The following DPP6 variants were observed in gnomAD, a reference collection of about 807,000 sequenced individuals.
DPP6 encodes the protein A-type potassium channel modulatory protein DPP6.
In DPP6, 69 loss-of-function variants were observed where a neutral mutation model predicts 122.6. That is an observed-to-expected ratio of 0.56 (90% CI 0.46 to 0.69). The LOEUF is 0.69. DPP6 is among the 30% of genes least tolerant of loss of function. The pLI is 0.00. For missense variants in DPP6, 928 were observed against 1,116.9 expected (o/e 0.83, Z 2.41); for synonymous variants, 418 against 433.1 (o/e 0.97, Z 0.43).
At chr7:153,902,947 A>G (rs748312686) in intron 1 of DPP6, among the ~76,000 whole-genome samples, 15 of 152,202 alleles carry the variant, frequency 9.9e-5, no homozygotes, top group Non-Finnish European at 1.6e-4. Context: ...TCTTATTTCT[A>G]GCTTGTATTA....
chr7:154,522,057 G>T (rs1208861767), intron 3 of DPP6, among the ~76,000 whole-genome samples: 1 of 151,954 alleles, frequency 6.6e-6, no homozygotes, highest in Non-Finnish European at 1.5e-5. Context: ...TCCACCTCCC[G>T]GGTTCACGCC....
intron 1 of DPP6, among the ~76,000 whole-genome samples, chr7:153,955,862 T>C (rs1331674218): frequency 6.6e-6 from 1 of 152,180 alleles, no homozygotes; most frequent in African/African-American, 2.4e-5. Flanking sequence ...GAGTCTACAC[T>C]CTTAACCCAT....
chr7:154,157,948 CATATATATGTACAT>C (rs1440341029), intron 1 of DPP6, among the ~76,000 whole-genome samples: 1 of 148,480 alleles, frequency 6.7e-6, no homozygotes, highest in Non-Finnish European at 1.5e-5. Flanking sequence ...AAAATATATA[CATATATATGTACAT>C]ATATATATGT....
intron 1 of DPP6, among the ~76,000 whole-genome samples, chr7:154,308,261 A>AT (rs1360842271): frequency 6.6e-6 from 1 of 151,916 alleles, no homozygotes; most frequent in Non-Finnish European, 1.5e-5. Flanking sequence ...ATTAGAAAAA[A>AT]AAAAGATTTT....
At chr7:154,361,108 A>G (rs532769667) in intron 1 of DPP6, among the ~76,000 whole-genome samples, 1 of 152,296 alleles carries the variant, frequency 6.6e-6, no homozygotes, top group Non-Finnish European at 1.5e-5. Context: ...CCAGTGGGCT[A>G]TGAGAAGATT....
chr7:154,499,000 A>C (rs1434719951), intron 3 of DPP6, among the ~76,000 whole-genome samples: 1 of 152,232 alleles, frequency 6.6e-6, no homozygotes, highest in East Asian at 1.9e-4. Flanking sequence ...GTTGGCAGTC[A>C]CAGCTCTACA....
At chr7:154,860,784 A>G (rs1022003349) in intron 17 of DPP6, among the ~76,000 whole-genome samples, 4 of 152,192 alleles carry the variant, frequency 2.6e-5, no homozygotes, top group African/African-American at 4.8e-5. Flanking sequence ...CTGCAGGCCA[A>G]CTGGGCAAAG....
At chr7:154,792,156 C>T (rs950376933) in intron 10 of DPP6, among the ~76,000 whole-genome samples, 1 of 152,214 alleles carries the variant, frequency 6.6e-6, no homozygotes, top group South Asian at 2.1e-4. Flanking sequence ...TGCATGCAGA[C>T]GAAATGTGTT....
the DPP6 span, among the ~76,000 whole-genome samples, chr7:153,770,379 A>G: frequency 6.6e-6 from 1 of 152,212 alleles, no homozygotes; most frequent in Admixed American, 6.5e-5. Context: ...CCGAGGACAA[A>G]GAAGAACAAA....
chr7:153,973,052 A>G (rs954149935), intron 1 of DPP6, among the ~76,000 whole-genome samples: 4 of 151,942 alleles, frequency 2.6e-5, no homozygotes, highest in African/African-American at 4.8e-5. Context: ...TTTGGTTTGA[A>G]TTAGTTCATA....
chr7:154,239,025 T>C (rs1801398348), intron 1 of DPP6, among the ~76,000 whole-genome samples: 1 of 152,224 alleles, frequency 6.6e-6, no homozygotes, highest in Non-Finnish European at 1.5e-5. Context: ...CTGTTTGTGC[T>C]TCTGGGTGGC....
chr7:154,888,390 G>A lies in DPP6; in HGVS notation c.2304+656G>A, dbSNP rs532109626. On this transcript the variant is annotated intron_variant, in intron 23 of 25. Transcript: ENST00000377770. ...AGGTATGAGCCACCACCCCTGGTCC[G>A]AGAGTGAGCTCTTGACTGAGGAGCA... Among the ~76,000 whole-genome samples the A allele has an allele frequency of 3.9e-5, 6 of 152,274 alleles. No homozygotes were observed. In the East Asian group the frequency reaches 5.8e-4, roughly 15 times the overall value.
At chr7:153,791,420 C>CTTTTTTTTTT in the DPP6 span, among the ~76,000 whole-genome samples, 5 of 24,232 alleles carry the variant, frequency 2.1e-4, no homozygotes, top group African/African-American at 4.9e-4. Flanking sequence ...TCCTTCCTTC[C>CTTTTTTTTTT]TTTCTTTTTT....
intron 2 of DPP6, among the ~76,000 whole-genome samples, chr7:154,455,827 A>G (rs1035924915): frequency 1.8e-4 from 28 of 152,302 alleles, no homozygotes; most frequent in Non-Finnish European, 5.9e-5. Flanking sequence ...GTGTTGCTGC[A>G]TTTTGCATCC....
At chr7:153,999,190 C>T (rs1246057216) in intron 1 of DPP6, among the ~76,000 whole-genome samples, 1 of 152,188 alleles carries the variant, frequency 6.6e-6, no homozygotes, top group African/African-American at 2.4e-5. Flanking sequence ...ACAATCTTCT[C>T]GAGCAGTATC....
At chr7:154,080,273 C>G (rs924351887) in intron 1 of DPP6, among the ~76,000 whole-genome samples, 17 of 152,134 alleles carry the variant, frequency 1.1e-4, no homozygotes, top group Admixed American at 1.1e-3. Flanking sequence ...GCCGTTGACT[C>G]TAATCCTGCT....
At chr7:154,091,706 C>CT (rs879803236) in intron 1 of DPP6, among the ~76,000 whole-genome samples, 8 of 152,158 alleles carry the variant, frequency 5.3e-5, no homozygotes, top group Non-Finnish European at 1.0e-4. Context: ...CTCACCTCCT[C>CT]TTCCCCCCCT....
chr7:153,937,441 T>A, intron 1 of DPP6, among the ~76,000 whole-genome samples: 1 of 5,654 alleles, frequency 1.8e-4, no homozygotes, highest in East Asian at 0.1. Flanking sequence ...AGCTAACTTT[T>A]TTTTTTTTTT....
chr7:153,870,413 G>A, the DPP6 span, among the ~76,000 whole-genome samples: 2 of 151,842 alleles, frequency 1.3e-5, no homozygotes, highest in African/African-American at 2.4e-5. Context: ...GTCTTCCATC[G>A]CTGATACTCT....
Sources: gnomAD v4.1 joint callset for allele counts (sites outside exome capture counted in the v4.1 genomes callset) on GRCh38, gnomAD v4.1.1 for gene constraint, MANE v1.5 for transcripts, NCBI Gene and HGNC (gene_info 2026-07-23, HGNC 2026-07-21) for gene names.